INO80D: variants seen among roughly 807,000 people sequenced by gnomAD.
The protein encoded by INO80D is INO80 complex subunit D.
A neutral mutation model predicts 87.6 loss-of-function variants in INO80D; 21 were observed. That is an observed-to-expected ratio of 0.24 (90% confidence interval 0.17 to 0.35). The LOEUF (loss-of-function observed/expected upper bound fraction) is 0.35, where lower values mean the gene tolerates loss of function less well. Among genes scored for constraint, INO80D ranks in the 10% least tolerant of loss-of-function variants. INO80D has a pLI of 1.00. For synonymous variants in INO80D, 440 were observed against 491.0 expected (o/e 0.90, Z 1.37); for missense variants, 982 against 1,280.7 (o/e 0.77, Z 3.56).
chr2:206,046,556 G>C lies in INO80D; in HGVS notation c.1021C>G (p.Pro341Ala). The C allele has an allele frequency of 2.5e-6, 4 of 1,613,932 alleles. No homozygotes were observed. The highest frequency in any genetic ancestry group is 3.4e-6 in the Non-Finnish European group (4 of 1,179,820). Reference sequence around the variant, plus strand: ...CGGATGGACCATGCAACCTGGTAGGGCGAGGCCTGCTCTGAGTCCTCTGGT... The same window carrying C: ...CGGATGGACCATGCAACCTGGTAGGCCGAGGCCTGCTCTGAGTCCTCTGGT... The part of the protein sequence containing the change: ...EEPEDSEQAS[P>A]YQVAWSIRET... Residue 341 changes from proline (P) to alanine (A), a missense_variant, in exon 5 of 11, where the codon CCC becomes GCC. Physicochemically the swap from Pro to Ala is conservative, Grantham distance 27 (BLOSUM62 -1). Coordinates refer to ENST00000403263, the MANE Select transcript of INO80D (RefSeq NM_017759.5).
chr2:206,058,453 G>A (rs1461897722), intron 3 of INO80D, among the ~76,000 whole-genome samples: 9 of 148,266 alleles, frequency 6.1e-5, no homozygotes, highest in African/African-American at 2.0e-4. Context: ...CCTATAAAAG[G>A]GCCGGGCGCA....
At position 206,075,977 on chromosome 2, in the gene INO80D, G is replaced by C. The variant is rs200842318; in HGVS notation, c.-124+9924C>G. Among the ~76,000 whole-genome samples the C allele has an allele frequency of 4.6e-5, 7 of 151,518 alleles. No individual in the cohort carries two copies. The East Asian group carries it at 1.2e-3, about 26-fold the overall frequency. On this transcript the variant is annotated intron_variant, in intron 1 of 10. Transcript: ENST00000403263. ...TGAGACAGGAAAACTGCTTGTACCC[G>C]GGAGGTGGAGGTTGCAGTAAGCCAA... is the stretch of plus-strand genomic sequence containing the variant.
intron 8 of INO80D, among the ~76,000 whole-genome samples, 187 bp downstream of exon 8, chr2:206,017,493 A>G (rs1688350083): frequency 6.6e-6 from 1 of 152,240 alleles, no homozygotes; most frequent in Admixed American, 6.5e-5. Context: ...CAAAGAGAGT[A>G]TTTAGAAATT....
intron 6 of INO80D, among the ~76,000 whole-genome samples, chr2:206,024,953 A>G (rs759608415): frequency 2.0e-5 from 3 of 151,914 alleles, no homozygotes; most frequent in Non-Finnish European, 4.4e-5. Context: ...ACAAGGCTTC[A>G]CTATGTTGGC....
intron 6 of INO80D, among the ~76,000 whole-genome samples, chr2:206,020,633 TTAA>T (rs772411423): frequency 2.0e-5 from 3 of 152,190 alleles, no homozygotes; most frequent in Non-Finnish European, 4.4e-5. Flanking sequence ...CTTTGTACAC[TTAA>T]TGTTTAAATA....
chr2:206,039,574 G>A (rs1215445493), intron 5 of INO80D, among the ~76,000 whole-genome samples: 2 of 151,998 alleles, frequency 1.3e-5, no homozygotes, highest in Admixed American at 6.6e-5. Context: ...CACTTTGGGA[G>A]GCTGAGGTGG....
intron 4 of INO80D, among the ~76,000 whole-genome samples, chr2:206,047,553 G>C (rs932009185): frequency 6.6e-6 from 1 of 151,922 alleles, no homozygotes; most frequent in African/African-American, 2.4e-5. Context: ...ACACTAAAAT[G>C]ATGTCAGAAA....
chr2:206,004,554 G>C lies in INO80D; in HGVS notation c.2898C>G (p.Thr966=). 6.2e-7 allele frequency: 1 copy of C among 1,611,046 alleles called. No individual in the cohort carries two copies. The highest frequency in any genetic ancestry group is 1.1e-5 in the South Asian group (1 of 90,512). ...ACTGAGGGAGTTGCTGCTTGGGAGA[G>C]GTGGAGGCCATTAGTTCAGCAGAAG... ...MGPSAELMAS[T]SPKQQLPQFS... Residue 966 remains threonine, a synonymous_variant, in exon 11 of 11, where the codon ACC becomes ACG. Coordinates refer to ENST00000403263, the MANE Select transcript of INO80D (RefSeq NM_017759.5). The surrounding 1 kb of genome is among the most constrained non-coding windows in gnomAD (Gnocchi z 4.9).
chr2:206,060,971 T>A (rs1230527317), intron 3 of INO80D, among the ~76,000 whole-genome samples: 1 of 152,160 alleles, frequency 6.6e-6, no homozygotes. Flanking sequence ...TACAGATGCT[T>A]CAGAGAATAT....
chr2:206,070,425 C>CA (rs1338200072), intron 1 of INO80D, among the ~76,000 whole-genome samples: 1 of 149,332 alleles, frequency 6.7e-6, no homozygotes, highest in East Asian at 2.0e-4. Context: ...GACTCTGTCT[C>CA]AAAAAAAGAA....
chr2:206,051,587 G>A (rs536677523), intron 4 of INO80D, among the ~76,000 whole-genome samples: 1 of 151,894 alleles, frequency 6.6e-6, no homozygotes, highest in South Asian at 2.1e-4. Flanking sequence ...CTGAAAGTAT[G>A]GTCCACAGAT....
At position 205,999,233 on chromosome 2, in the gene INO80D, G is replaced by C. The variant is rs1177434777; in HGVS notation, c.*5135C>G. 1 of 152,396 alleles carries C rather than the reference G, an allele frequency of 6.6e-6. No homozygotes were observed. Among genetic ancestry groups the C allele is most frequent in the East Asian group, 1.9e-4 (1 of 5,206 alleles). 9.4% of individuals were successfully genotyped at this position (152,396 alleles called of 1,614,324 possible). ...AAGAAAAAAGAAACAAGTGAAAGAA[G>C]AGGATTCTATGACTCTTCGGGCGGG... On this transcript the variant is annotated 3_prime_UTR_variant, in exon 11 of 11. Coordinates refer to ENST00000403263, the MANE Select transcript of INO80D (RefSeq NM_017759.5).
chr2:206,066,190 C>G (rs1440675824), intron 1 of INO80D, among the ~76,000 whole-genome samples: 2 of 151,850 alleles, frequency 1.3e-5, no homozygotes. Flanking sequence ...CCCAGGAGGT[C>G]AAGGCTGCAG....
intron 7 of INO80D, 92 bp from the exon 8 acceptor site, chr2:206,017,905 T>A: frequency 9.2e-7 from 1 of 1,092,214 alleles, no homozygotes; most frequent in Non-Finnish European, 1.3e-6. Flanking sequence ...ATTTCATAAG[T>A]ACAAGCTTTA....
In INO80D at chr2:206,056,484, C is replaced by T. The variant is rs1559456459; in HGVS notation, c.678G>A (p.Gln226=). The T allele has an allele frequency of 1.9e-6, 3 of 1,613,936 alleles. No individual in the cohort carries two copies. Among genetic ancestry groups the T allele is most frequent in the Non-Finnish European group, 2.5e-6 (3 of 1,179,856 alleles). Residue 226 remains glutamine (Q), a synonymous_variant, in exon 4 of 11, where the codon CAG becomes CAA. Transcript: ENST00000403263. ...GTTGAGGTGACTTGCAGACTGAACCCTGCGGTGGCGCTGGAGGTTTTAAAG... is the reference window on the plus strand; with the variant it reads ...GTTGAGGTGACTTGCAGACTGAACCTTGCGGTGGCGCTGGAGGTTTTAAAG... ...STSLKPPAPP[Q]GSVCKSPQPQ...
At chr2:206,073,633 C>A (rs527526479) in intron 1 of INO80D, among the ~76,000 whole-genome samples, 42 of 152,234 alleles carry the variant, frequency 2.8e-4, no homozygotes, top group African/African-American at 8.9e-4. Context: ...TCCACCTCAA[C>A]CTCCCAAGGA....
At chr2:206,058,871 A>G (rs1273184462) in intron 3 of INO80D, among the ~76,000 whole-genome samples, 2 of 152,168 alleles carry the variant, frequency 1.3e-5, no homozygotes, top group African/African-American at 4.8e-5. Context: ...TGTAACATGC[A>G]TTATGAAGTT....
chr2:206,036,952 T>C (rs755743473), intron 5 of INO80D, among the ~76,000 whole-genome samples: 5 of 152,224 alleles, frequency 3.3e-5, no homozygotes, highest in Non-Finnish European at 5.9e-5. Context: ...ATCTTCAGGA[T>C]GCTTCCCACT....
At chr2:206,074,970 C>G (rs936023430) in intron 1 of INO80D, among the ~76,000 whole-genome samples, 1 of 142,104 alleles carries the variant, frequency 7.0e-6, no homozygotes, top group Non-Finnish European at 1.5e-5. Flanking sequence ...ACCCAGGAGG[C>G]AGAGGTTGCT....
Sources: gnomAD v4.1 joint callset for allele counts (sites outside exome capture counted in the v4.1 genomes callset) on GRCh38, gnomAD v4.1.1 for gene constraint, Gnocchi (gnomAD v3.1) non-coding constraint, MANE v1.5 for transcripts, NCBI Gene and HGNC (gene_info 2026-07-23, HGNC 2026-07-21) for gene names.